ANKEF1: variants seen among roughly 807,000 people sequenced by gnomAD.
ANKEF1 encodes ankyrin repeat and EF-hand domain containing 1, also known as ankyrin repeat and EF-hand domain-containing protein 1.
A neutral mutation model predicts 65.1 loss-of-function variants in ANKEF1; 43 were observed. That is an observed-to-expected ratio of 0.66 (90% CI 0.52 to 0.85). The LOEUF is 0.85. Among genes scored for constraint, ANKEF1 ranks in the 40% least tolerant of loss-of-function variants. The pLI is 0.00. For missense variants in ANKEF1, 934 were observed against 952.9 expected (o/e 0.98, Z 0.26); for synonymous variants, 316 against 341.5 (o/e 0.93, Z 0.82).
chr20:10,035,054 C>G lies in ANKEF1; in HGVS notation c.-388C>G, dbSNP rs1368753715. 6.5e-6 allele frequency: 1 copy of G among 153,438 alleles called. No homozygotes were observed. The allele number at this position is 153,438 out of a possible 1,614,324, so 9.5% of individuals were successfully genotyped here. ...CCCGGTCCCTCCGGCTTCCACCCCG[C>G]CCCCTGCGCTCACCTGCCCGCGCGC... On this transcript the variant is annotated 5_prime_UTR_variant, in exon 1 of 11. Transcript: ENST00000378392.
intron 10 of ANKEF1, among the ~76,000 whole-genome samples, chr20:10,055,250 C>T (rs1356886629): frequency 6.6e-6 from 1 of 152,116 alleles, no homozygotes; most frequent in Admixed American, 6.6e-5. Flanking sequence ...AGAGAAGTAA[C>T]TGAATAATAT....
chr20:10,044,578 TA>T, intron 5 of ANKEF1, 35 bp downstream of exon 5: 6 of 1,607,514 alleles, frequency 3.7e-6, no homozygotes, highest in Non-Finnish European at 5.1e-6. Context: ...AATTTGTTGC[TA>T]AAACTTTTCT....
chr20:10,052,962 T>C, intron 8 of ANKEF1, 150 bp from the exon 9 acceptor site: 1 of 594,962 alleles, frequency 1.7e-6, no homozygotes, highest in Non-Finnish European at 2.7e-6. Flanking sequence ...AAATCTGATC[T>C]AGCTCTGTGA....
At chr20:10,039,260 C>A (rs1984039362) in intron 3 of ANKEF1, among the ~76,000 whole-genome samples, 1 of 152,180 alleles carries the variant, frequency 6.6e-6, no homozygotes, top group South Asian at 2.1e-4. Context: ...ATCTCAAGAC[C>A]ATGGTCTGAG....
intron 2 of ANKEF1, among the ~76,000 whole-genome samples, chr20:10,036,908 G>A (rs1983891054): frequency 6.6e-6 from 1 of 152,066 alleles, no homozygotes; most frequent in South Asian, 2.1e-4. Flanking sequence ...AGAGTCTTGA[G>A]GACCTAGCCC....
chr20:10,039,247 A>G (rs761217007), intron 3 of ANKEF1, among the ~76,000 whole-genome samples: 17 of 152,332 alleles, frequency 1.1e-4, no homozygotes, highest in Non-Finnish European at 1.8e-4. Context: ...CGTTAATCCC[A>G]TCATCTCAAG....
Position 10,054,477 on chromosome 20 carries a change from AT to A in ANKEF1, c.2053del (p.Tyr685MetfsTer20), listed in dbSNP as rs1985035876. 16 of 1,563,484 alleles carry A rather than the reference AT, an allele frequency of 1.0e-5. No individual in the cohort carries two copies. Among genetic ancestry groups the A allele is most frequent in the African/African-American group, 1.4e-5 (1 of 71,392 alleles). On this transcript the variant is annotated frameshift_variant, in exon 10 of 11. Transcript: ENST00000378392. LOFTEE classifies it high-confidence loss of function. ...IKKEEELLSS[I>X]YGVPTTSEGK... is the part of the protein sequence containing the mutation. ...TTGTTTCCAGGAACTGCTGTCATCA[AT>A]TTATGGTGTACCAACCACATCAGAG...
At chr20:10,051,186 G>A (rs1425988541) in intron 7 of ANKEF1, among the ~76,000 whole-genome samples, 1 of 152,056 alleles carries the variant, frequency 6.6e-6, no homozygotes, top group Non-Finnish European at 1.5e-5. Flanking sequence ...AATCTTATTA[G>A]TACTTTAATG....
At chr20:10,041,218 C>G (rs577282574) in intron 3 of ANKEF1, among the ~76,000 whole-genome samples, 52 of 151,550 alleles carry the variant, frequency 3.4e-4, no homozygotes, top group Middle Eastern at 3.5e-3. Context: ...TTTTACTTTG[C>G]TGTATATGTG....
At chr20:10,041,111 G>A (rs907510354) in intron 3 of ANKEF1, among the ~76,000 whole-genome samples, 3 of 151,520 alleles carry the variant, frequency 2.0e-5, no homozygotes, top group Non-Finnish European at 2.9e-5. Context: ...CATAGGGTTG[G>A]TTTCAGAAAC....
intron 5 of ANKEF1, 39 bp from the exon 6 acceptor site, chr20:10,045,535 A>G: frequency 1.2e-6 from 2 of 1,603,086 alleles, no homozygotes; most frequent in Non-Finnish European, 1.7e-6. Flanking sequence ...GTAAATGTAC[A>G]TTCCTATTCC....
chr20:10,052,716 G>A (rs2122275061), intron 8 of ANKEF1, among the ~76,000 whole-genome samples: 1 of 151,890 alleles, frequency 6.6e-6, no homozygotes, highest in East Asian at 1.9e-4. Context: ...CAGACCTTTT[G>A]GAATTTACCT....
intron 2 of ANKEF1, among the ~76,000 whole-genome samples, chr20:10,036,079 G>A (rs566544160): frequency 6.6e-6 from 1 of 152,216 alleles, no homozygotes; most frequent in Non-Finnish European, 1.5e-5. Context: ...AGTGGGGTGA[G>A]CTCTTGGTCA....
intron 3 of ANKEF1, among the ~76,000 whole-genome samples, chr20:10,042,350 A>C (rs574561204): frequency 6.6e-6 from 1 of 151,772 alleles, no homozygotes; most frequent in East Asian, 1.9e-4. Context: ...AATAGGTTGC[A>C]TAGTGGTTTC....
Position 10,051,681 on chromosome 20 carries a change from A to C in ANKEF1, c.1662A>C (p.Thr554=), listed in dbSNP as rs748090834. Residue 554 remains threonine (T), a synonymous_variant, in exon 8 of 11, where the codon ACA becomes ACC. Coordinates refer to ENST00000378392, the MANE Select transcript of ANKEF1 (RefSeq NM_022096.6). ...LLEKGANVNA[T]DNFLWTPLHF... ...TTTACAGAGCTAACGTTAATGCAAC[A>C]GATAACTTTCTGTGGACTCCACTTC... is the stretch of plus-strand genomic sequence containing the variant. The C allele has an allele frequency of 1.4e-5, 23 of 1,613,330 alleles. No homozygotes were observed. Among genetic ancestry groups the C allele is most frequent in the Middle Eastern group, 1.6e-4 (1 of 6,076 alleles).
chr20:10,051,701 C>T lies in ANKEF1; in HGVS notation c.1682C>T (p.Pro561Leu). Reference sequence around the variant, plus strand: ...GCAACAGATAACTTTCTGTGGACTCCACTTCATTTTGCATGCCATGCAGGC... The same window carrying T: ...GCAACAGATAACTTTCTGTGGACTCTACTTCATTTTGCATGCCATGCAGGC... ...VNATDNFLWTPLHFACHAGQQ... is the reference protein window; with the variant it reads ...VNATDNFLWTLLHFACHAGQQ... Residue 561 changes from proline (P) to leucine (L), a missense_variant, in exon 8 of 11, where the codon CCA (proline) becomes CTA (leucine). Physicochemically the swap from Pro to Leu is moderately conservative, Grantham distance 98. Transcript: ENST00000378392. The T allele has an allele frequency of 6.2e-7, 1 of 1,613,632 alleles. No individual in the cohort carries two copies. The highest frequency in any genetic ancestry group is 8.5e-7 in the Non-Finnish European group (1 of 1,179,782).
At chr20:10,054,242 G>A (rs759976106) in intron 9 of ANKEF1, among the ~76,000 whole-genome samples, 10 of 152,094 alleles carry the variant, frequency 6.6e-5, no homozygotes, top group East Asian at 1.9e-4. Flanking sequence ...AAAGACTTAC[G>A]TGATCTTCTA....
At chr20:10,044,196 A>G (rs192004547) in intron 4 of ANKEF1, among the ~76,000 whole-genome samples, 198 bp from the exon 5 acceptor site, 38 of 152,204 alleles carry the variant, frequency 2.5e-4, no homozygotes, top group African/African-American at 6.7e-4. Flanking sequence ...CTGATTTTAG[A>G]ATTCTACGTT....
Position 10,058,065 on chromosome 20 carries a change from TCAGGA to T in ANKEF1, c.*2406_*2410del, listed in dbSNP as rs1985265188. 1 of 152,186 alleles carries T rather than the reference TCAGGA, an allele frequency of 6.6e-6. No homozygotes were observed. Among genetic ancestry groups the T allele is most frequent in the South Asian group, 2.1e-4 (1 of 4,826 alleles). 9.4% of individuals were successfully genotyped at this position (152,186 alleles called of 1,614,324 possible). ...ATTGCACCCTTCTCAGTACATCATA[TCAGGA>T]GGCACATGATGTTGATACCTGATAT... On this transcript the variant is annotated 3_prime_UTR_variant, in exon 11 of 11. Coordinates refer to ENST00000378392, the MANE Select transcript of ANKEF1 (RefSeq NM_022096.6).
Sources: allele counts gnomAD v4.1 joint callset (sites outside exome capture counted in the v4.1 genomes callset), GRCh38; gene constraint gnomAD v4.1.1; transcripts MANE v1.5; gene names NCBI Gene and HGNC (gene_info 2026-07-23, HGNC 2026-07-21).